Variants in TSPAN7 observed in about 807,000 individuals in gnomAD.
TSPAN7 encodes tetraspanin-7.
In TSPAN7, 1 loss-of-function variant was observed where a neutral mutation model predicts 17.6. The ratio of observed to expected loss-of-function variants is 0.06; its 90% CI spans 0.02 to 0.27. TSPAN7 has a LOEUF of 0.27. Among genes scored for constraint, TSPAN7 ranks in the 10% least tolerant of loss-of-function variants. TSPAN7 has a pLI of 1.00. For missense variants in TSPAN7, 112 were observed against 201.7 expected, an observed-to-expected ratio of 0.56 and a Z score of 2.69; for synonymous variants, 78 against 79.0, an observed-to-expected ratio of 0.99 and a Z score of 0.07.
chrX:38,562,831 G>A, intron 1 of TSPAN7: 1 of 350,100 alleles, frequency 2.9e-6, no homozygotes, highest in Non-Finnish European at 4.3e-6. Flanking sequence ...CCCAAATCTG[G>A]GTCATTTTAG....
intron 5 of TSPAN7, among the ~76,000 whole-genome samples, chrX:38,680,836 T>C (rs1208666090): frequency 2.7e-5 from 3 of 111,688 alleles, no homozygotes; most frequent in Non-Finnish European, 5.6e-5. Context: ...TCTATAGTGT[T>C]TGCTTCATAG....
chrX:38,589,060 G>A (rs970289201), intron 1 of TSPAN7, among the ~76,000 whole-genome samples: 1 of 111,731 alleles, frequency 9.0e-6, no homozygotes, highest in African/African-American at 3.3e-5. Flanking sequence ...ACCCCAGGTC[G>A]CAGCCAGGTT....
intron 1 of TSPAN7, among the ~76,000 whole-genome samples, chrX:38,627,326 G>A (rs2069527694): frequency 9.0e-6 from 1 of 111,599 alleles, no homozygotes. Flanking sequence ...TTAGGTTCCA[G>A]TAGGCATCTG....
chrX:38,657,108 G>A (rs895573672), intron 1 of TSPAN7, among the ~76,000 whole-genome samples: 8 of 111,406 alleles, frequency 7.2e-5, no homozygotes, highest in Non-Finnish European at 1.5e-4. Context: ...CAATTCAATA[G>A]GGCTGACCAT....
intron 1 of TSPAN7, among the ~76,000 whole-genome samples, chrX:38,572,534 C>A (rs1212557797): frequency 1.8e-5 from 2 of 111,715 alleles, no homozygotes; most frequent in African/African-American, 6.5e-5. Context: ...CCTCAGACTG[C>A]TATTCTTCTT....
At chrX:38,686,159 G>T (rs2069925614) in intron 6 of TSPAN7, among the ~76,000 whole-genome samples, 1 of 112,686 alleles carries the variant, frequency 8.9e-6, no homozygotes, top group Non-Finnish European at 1.9e-5. Flanking sequence ...GGCACCAAAT[G>T]ATGTTGGCCA....
chrX:38,663,533 T>TC (rs1360483484), intron 1 of TSPAN7, among the ~76,000 whole-genome samples: 1 of 111,905 alleles, frequency 8.9e-6, no homozygotes, highest in African/African-American at 3.2e-5. Context: ...CACCACTTGT[T>TC]CCCCAAAAAC....
At chrX:38,571,798 T>C (rs1159950646) in intron 1 of TSPAN7, among the ~76,000 whole-genome samples, 1 of 111,200 alleles carries the variant, frequency 9.0e-6, no homozygotes, top group Non-Finnish European at 1.9e-5. Flanking sequence ...TCTATGGGGC[T>C]GTGATGCCAT....
chrX:38,604,790 C>G (rs1195145210), intron 1 of TSPAN7, among the ~76,000 whole-genome samples: 16 of 110,976 alleles, frequency 1.4e-4, no homozygotes, highest in Admixed American at 1.3e-3. Context: ...AGCATATAAA[C>G]AGAACCAAAG....
At chrX:38,604,861 C>T (rs1367559481) in intron 1 of TSPAN7, among the ~76,000 whole-genome samples, 1 of 110,929 alleles carries the variant, frequency 9.0e-6, no homozygotes, top group African/African-American at 3.3e-5. Flanking sequence ...ATTCAACAAC[C>T]CTTCATGCTA....
At position 38,675,944 on chromosome X, in the gene TSPAN7, G is replaced by T; in HGVS notation, c.597+84G>T. ...TATTTCCATGAAATTATGACAAATAGATTTGAAATAGTAGTCAAGGGAAAG... is the reference window on the plus strand; with the variant it reads ...TATTTCCATGAAATTATGACAAATATATTTGAAATAGTAGTCAAGGGAAAG... On this transcript the variant is annotated intron_variant, in intron 5 of 7. Transcript: ENST00000378482. The T allele has an allele frequency of 5.6e-6, 6 of 1,077,483 alleles. No homozygotes were observed. In the South Asian group the frequency reaches 9.7e-5, roughly 17 times the overall value. The allele number at this position is 1,077,483 out of a possible 1,213,427, so 88.8% of individuals were successfully genotyped here.
chrX:38,569,808 C>T (rs1387418834), intron 1 of TSPAN7, among the ~76,000 whole-genome samples: 1 of 111,588 alleles, frequency 9.0e-6, no homozygotes, highest in African/African-American at 3.3e-5. Flanking sequence ...TTCAATCCGT[C>T]ATCTTTAACT....
intron 1 of TSPAN7, among the ~76,000 whole-genome samples, chrX:38,621,540 G>A (rs2069488538): frequency 8.9e-6 from 1 of 111,884 alleles, no homozygotes; most frequent in African/African-American, 3.2e-5. Flanking sequence ...AAAATGTAAG[G>A]CTGTAAGGAA....
At chrX:38,654,781 G>C (rs183993473) in intron 1 of TSPAN7, among the ~76,000 whole-genome samples, 1 of 112,534 alleles carries the variant, frequency 8.9e-6, no homozygotes, top group African/African-American at 3.2e-5. Flanking sequence ...CATTTTGGTA[G>C]ACAGACAAAG....
intron 1 of TSPAN7, among the ~76,000 whole-genome samples, chrX:38,628,183 G>A (rs1387754014): frequency 8.9e-6 from 1 of 112,709 alleles, no homozygotes; most frequent in Non-Finnish European, 1.9e-5. Flanking sequence ...AATGCCCGCT[G>A]TGGGGCATGG....
At chrX:38,620,419 C>G (rs918929500) in intron 1 of TSPAN7, among the ~76,000 whole-genome samples, 19 of 111,623 alleles carry the variant, frequency 1.7e-4, no homozygotes, top group Non-Finnish European at 3.6e-4. Flanking sequence ...TTTTGAAAAT[C>G]CCTTTCTTAG....
chrX:38,573,790 A>G (rs2069180907), intron 1 of TSPAN7, among the ~76,000 whole-genome samples: 1 of 111,405 alleles, frequency 9.0e-6, no homozygotes, highest in South Asian at 3.8e-4. Context: ...AATGTCCCTC[A>G]ATTTGGATTT....
intron 1 of TSPAN7, chrX:38,623,051 G>A (rs10218338): frequency 0.052 from 17,006 of 328,793 alleles, 500 homozygotes; most frequent in African/African-American, 0.14. Flanking sequence ...TTAAATCTTG[G>A]TTGATTTGTA....
At chrX:38,588,579 A>G (rs2069272283) in intron 1 of TSPAN7, among the ~76,000 whole-genome samples, 1 of 112,312 alleles carries the variant, frequency 8.9e-6, no homozygotes. Flanking sequence ...TAATTCTGCC[A>G]GTTCCACTAT....
Sources: allele counts gnomAD v4.1 joint callset (sites outside exome capture counted in the v4.1 genomes callset), GRCh38; gene constraint gnomAD v4.1.1; transcripts MANE v1.5; gene names NCBI Gene and HGNC (gene_info 2026-07-23, HGNC 2026-07-21).